Variants in ARID3B observed in about 807,000 individuals in gnomAD.
ARID3B encodes AT-rich interactive domain-containing protein 3B.
Under a neutral mutation model 51.9 loss-of-function variants are expected in ARID3B, and 10 were observed. The observed-to-expected ratio is 0.19, with a 90% CI of 0.12 to 0.33. The LOEUF is 0.33. ARID3B is among the 10% of genes least tolerant of loss of function. The probability of loss-of-function intolerance (pLI) is 1.00; values close to 1 mark genes in which losing one functional copy is unlikely to be tolerated. For synonymous variants in ARID3B, 205 were observed against 279.5 expected, an observed-to-expected ratio of 0.73 and a Z score of 2.66; for missense variants, 483 against 716.3, an observed-to-expected ratio of 0.67 and a Z score of 3.72.
intron 2 of ARID3B, 131 bp downstream of exon 2, chr15:74,544,619 G>T: frequency 1.3e-6 from 1 of 776,508 alleles, no homozygotes; most frequent in Non-Finnish European, 2.0e-6. Flanking sequence ...GCCTAGACAT[G>T]AATAGACTTT....
chr15:74,562,550 G>T (rs1458842815), intron 2 of ARID3B, among the ~76,000 whole-genome samples: 1 of 152,124 alleles, frequency 6.6e-6, no homozygotes, highest in African/African-American at 2.4e-5. Context: ...GCAGTGGTGT[G>T]ATTGCTGCTC....
intron 4 of ARID3B, among the ~76,000 whole-genome samples, 191 bp from the exon 5 acceptor site, chr15:74,589,629 C>G (rs1004733033): frequency 6.6e-6 from 1 of 152,156 alleles, no homozygotes; most frequent in African/African-American, 2.4e-5. Flanking sequence ...TGCCAAAGGC[C>G]CACACAGCCT....
intron 2 of ARID3B, 82 bp downstream of exon 2, chr15:74,544,570 G>A (rs1171201350): frequency 7.0e-7 from 1 of 1,419,158 alleles, no homozygotes; most frequent in African/African-American, 1.4e-5. Context: ...CAGGGGCTGT[G>A]CCAGTCTGTG....
intron 1 of ARID3B, among the ~76,000 whole-genome samples, chr15:74,541,884 G>A (rs965797640): frequency 2.0e-4 from 30 of 152,142 alleles, no homozygotes; most frequent in Admixed American, 1.8e-3. Context: ...GGGATGAAGA[G>A]GTTTAGATTT....
Position 74,572,783 on chromosome 15 carries a change from C to A in ARID3B, c.553-79C>A. ...ATTGCTAAGCATCTTCATCTTTGCCCTAAATGATTGCCTTGCCCTCTGTCC... is the reference window on the plus strand; with the variant it reads ...ATTGCTAAGCATCTTCATCTTTGCCATAAATGATTGCCTTGCCCTCTGTCC... On this transcript the variant is annotated intron_variant, in intron 2 of 8. Coordinates refer to ENST00000346246, the MANE Select transcript of ARID3B (RefSeq NM_006465.4). 2.9e-6 allele frequency: 4 copies of A among 1,396,490 alleles called. No individual in the cohort carries two copies. In the Admixed American group the frequency reaches 6.8e-5, roughly 24 times the overall value. The allele number at this position is 1,396,490 out of a possible 1,614,324, so 86.5% of individuals were successfully genotyped here. A position where few individuals can be genotyped will look rare whatever the true frequency, so the allele number is the denominator to read the frequency against.
At chr15:74,593,792 G>A (rs1467999571) in intron 8 of ARID3B, among the ~76,000 whole-genome samples, 2 of 152,142 alleles carry the variant, frequency 1.3e-5, no homozygotes, top group African/African-American at 4.8e-5. Context: ...TGTAATCCTT[G>A]CACTTTGGGA....
In ARID3B at chr15:74,596,217, G is replaced by T; in HGVS notation, c.*443G>T. 4.2e-6 allele frequency: 1 copy of T among 240,108 alleles called. No homozygotes were observed. The highest frequency in any genetic ancestry group is 2.2e-5 in the African/African-American group (1 of 45,580). The allele number at this position is 240,108 out of a possible 1,614,324, so 14.9% of individuals were successfully genotyped here. On this transcript the variant is annotated 3_prime_UTR_variant, in exon 9 of 9. Coordinates refer to ENST00000346246, the MANE Select transcript of ARID3B (RefSeq NM_006465.4). ...TTCCCCTGTTTTTAAGTCCCATGTG[G>T]GGCTGCCAGGAGCCAAGAGCATGCC...
At chr15:74,566,985 G>C (rs2061701466) in intron 2 of ARID3B, among the ~76,000 whole-genome samples, 1 of 151,902 alleles carries the variant, frequency 6.6e-6, no homozygotes, top group African/African-American at 2.4e-5. Context: ...AATCCGATTA[G>C]GTGTCTATGT....
At chr15:74,576,869 G>A (rs893249633) in intron 4 of ARID3B, among the ~76,000 whole-genome samples, 1 of 152,170 alleles carries the variant, frequency 6.6e-6, no homozygotes, top group African/African-American at 2.4e-5. Context: ...AAAAAATGCT[G>A]TGACACATGT....
chr15:74,575,512 C>T (rs1306080392), intron 4 of ARID3B, among the ~76,000 whole-genome samples: 1 of 152,154 alleles, frequency 6.6e-6, no homozygotes, highest in Non-Finnish European at 1.5e-5. Context: ...ATTCAAGCTG[C>T]CTTGAGGTTT....
At chr15:74,578,766 C>T (rs2061747853) in intron 4 of ARID3B, among the ~76,000 whole-genome samples, 4 of 152,024 alleles carry the variant, frequency 2.6e-5, no homozygotes, top group Admixed American at 6.6e-5. Flanking sequence ...TGGTGGCATG[C>T]GCCTGTGGTC....
intron 2 of ARID3B, among the ~76,000 whole-genome samples, chr15:74,560,030 C>CAAAAAAAAAAAAAAAAAAAAAA (rs1567118607): frequency 0.011 from 2 of 190 alleles, no homozygotes; most frequent in African/African-American, 0.036. Flanking sequence ...CCTGTCTCTA[C>CAAAAAAAAAAAAAAAAAAAAAA]TAAAAAAAAA....
At chr15:74,550,237 ATGATATCTT>A (rs2061631373) in intron 2 of ARID3B, among the ~76,000 whole-genome samples, 1 of 152,152 alleles carries the variant, frequency 6.6e-6, no homozygotes, top group African/African-American at 2.4e-5. Flanking sequence ...CCAGCACTCC[ATGATATCTT>A]TGATATCTTT....
chr15:74,567,143 G>GT (rs1335925740), intron 2 of ARID3B, among the ~76,000 whole-genome samples: 1 of 152,056 alleles, frequency 6.6e-6, no homozygotes, highest in Non-Finnish European at 1.5e-5. Context: ...TTTCCTTCTG[G>GT]TATTCAAGGC....
intron 2 of ARID3B, among the ~76,000 whole-genome samples, chr15:74,549,894 A>G (rs1051787209): frequency 4.6e-5 from 7 of 152,230 alleles, no homozygotes; most frequent in Non-Finnish European, 8.8e-5. Context: ...TAAACATCCT[A>G]TAACGCACTG....
rs1301356078 is a variant in ARID3B at position 74,573,222 on chromosome 15, C to T, written c.697+18C>T. 5 of 1,611,856 alleles carry T rather than the reference C, an allele frequency of 3.1e-6. No individual in the cohort carries two copies. Among genetic ancestry groups the T allele is most frequent in the Non-Finnish European group, 4.2e-6 (5 of 1,177,960 alleles). On this transcript the variant is annotated intron_variant, in intron 4 of 8. Coordinates refer to ENST00000346246, the MANE Select transcript of ARID3B (RefSeq NM_006465.4). ...GAAGAGGGGTGAGTGTGCATCTACT[C>T]ATCATTCCAATTCAGGGAATACTGA...
chr15:74,563,527 T>A (rs1232248696), intron 2 of ARID3B, among the ~76,000 whole-genome samples: 1 of 152,236 alleles, frequency 6.6e-6, no homozygotes, highest in African/African-American at 2.4e-5. Flanking sequence ...TTTGGGCAAG[T>A]TTCCAACCTC....
At chr15:74,563,464 T>C (rs757912966) in intron 2 of ARID3B, among the ~76,000 whole-genome samples, 30 of 152,232 alleles carry the variant, frequency 2.0e-4, no homozygotes, top group Non-Finnish European at 4.4e-4. Flanking sequence ...ATGTTGTTCT[T>C]CCTATACATT....
At chr15:74,582,269 G>A (rs1262777975) in intron 4 of ARID3B, among the ~76,000 whole-genome samples, 3 of 151,662 alleles carry the variant, frequency 2.0e-5, no homozygotes, top group South Asian at 4.1e-4. Context: ...CCGGGTTCAC[G>A]CCATTCTCCT....
Sources: gnomAD v4.1 joint callset for allele counts (sites outside exome capture counted in the v4.1 genomes callset) on GRCh38, gnomAD v4.1.1 for gene constraint, MANE v1.5 for transcripts, NCBI Gene and HGNC (gene_info 2026-07-23, HGNC 2026-07-21) for gene names.